The following TP53BP1 variants were observed in gnomAD, a reference collection of about 807,000 sequenced individuals.
The protein encoded by TP53BP1 is tumor protein p53 binding protein 1, also known as TP53-binding protein 1.
In TP53BP1, 61 loss-of-function variants were observed where a neutral mutation model predicts 200.8. The ratio of observed to expected loss-of-function variants is 0.30; its 90% confidence interval spans 0.25 to 0.38. The LOEUF is 0.38. Among genes scored for constraint, TP53BP1 ranks in the 10% least tolerant of loss-of-function variants. The pLI is 1.00. For missense variants in TP53BP1, 2,144 were observed against 2,371.9 expected (o/e 0.90, Z 2.00); for synonymous variants, 822 against 844.3 (o/e 0.97, Z 0.46).
chr15:43,459,943 G>A (rs548755339), intron 11 of TP53BP1, among the ~76,000 whole-genome samples: 34 of 152,312 alleles, frequency 2.2e-4, no homozygotes, highest in Middle Eastern at 6.8e-3. Flanking sequence ...CCTAGGGCGG[G>A]AGAAGGGAGT....
intron 22 of TP53BP1, 36 bp from the exon 23 acceptor site, chr15:43,415,845 C>G: frequency 6.3e-7 from 1 of 1,580,316 alleles, no homozygotes; most frequent in Non-Finnish European, 8.7e-7. Flanking sequence ...TGGTCAAACT[C>G]TATGGTATGA....
At position 43,456,410 on chromosome 15, in the gene TP53BP1, G is replaced by A; in HGVS notation, c.2198C>T (p.Pro733Leu). 6.3e-7 allele frequency: 1 copy of A among 1,596,318 alleles called. No homozygotes were observed. The highest frequency in any genetic ancestry group is 8.5e-7 in the Non-Finnish European group (1 of 1,173,964). ...TTGGTCAAGTATTGCCAACTTTTGA[G>A]GGGAATCAATACTAATCACACTGGT... The part of the protein sequence containing the change: ...VETSVISIDS[P>L]QKLAILDQEL... The change falls in exon 12 of 28, where the codon CCT (proline) becomes CTT (leucine). Residue 733 changes from proline to leucine, a missense_variant. This residue lies in a region of TP53BP1 where 1,700 missense variants were observed against 1,710.3 expected (regional missense o/e 0.99). Transcript: ENST00000382044.
At chr15:43,491,921 C>G in intron 3 of TP53BP1, 81 bp downstream of exon 3, 1 of 1,226,544 alleles carries the variant, frequency 8.2e-7, no homozygotes, top group African/African-American at 1.5e-5. Flanking sequence ...TTCGACACAA[C>G]CACATAAAGT....
At chr15:43,409,575 G>C (rs1191311952) in intron 25 of TP53BP1, 72 bp downstream of exon 25, 8 of 804,756 alleles carry the variant, frequency 9.9e-6, no homozygotes, top group Admixed American at 3.1e-5. Context: ...ACCCCTCCCA[G>C]GCCTCTTCTC....
In TP53BP1 at chr15:43,493,139, G is replaced by A; in HGVS notation, c.-96C>T. 3 of 1,576,924 alleles carry A rather than the reference G, an allele frequency of 1.9e-6. No homozygotes were observed. The highest frequency in any genetic ancestry group is 2.6e-6 in the Non-Finnish European group (3 of 1,166,720). On this transcript the variant is annotated 5_prime_UTR_variant, in exon 1 of 28. Coordinates refer to ENST00000382044, the MANE Select transcript of TP53BP1 (RefSeq NM_001141980.3). Reference sequence around the variant, plus strand: ...CTAGGTCGCCGCTGTCGCCACCGCCGCCACCGGCCGCGAACTCCCCCTTTC... The same window carrying A: ...CTAGGTCGCCGCTGTCGCCACCGCCACCACCGGCCGCGAACTCCCCCTTTC...
intron 24 of TP53BP1, chr15:43,412,881 T>C: frequency 1.7e-6 from 1 of 585,934 alleles, no homozygotes; most frequent in Non-Finnish European, 3.2e-6. Flanking sequence ...ATAGATAAGA[T>C]CTATCTCCCA....
At chr15:43,496,716 TG>T (rs1181888151), upstream of TP53BP1, among the ~76,000 whole-genome samples, 1 of 151,490 alleles carries the variant, frequency 6.6e-6, no homozygotes, top group African/African-American at 2.4e-5. Context: ...CCCTGCCTCC[TG>T]GGTTCAACTG....
At chr15:43,500,522 T>C (rs1037265412) in intron 1 of TP53BP1, among the ~76,000 whole-genome samples, 2 of 152,106 alleles carry the variant, frequency 1.3e-5, no homozygotes, top group Admixed American at 6.6e-5. Flanking sequence ...GTGTCTAAAA[T>C]ATAGAGAATA....
chr15:43,445,415 C>A (rs888311064), intron 14 of TP53BP1, among the ~76,000 whole-genome samples: 1 of 152,172 alleles, frequency 6.6e-6, no homozygotes, highest in African/African-American at 2.4e-5. Flanking sequence ...TCTCTCTGAA[C>A]GTTCCTTTAT....
At chr15:43,487,834 CT>C (rs2079067653) in intron 4 of TP53BP1, among the ~76,000 whole-genome samples, 1 of 151,316 alleles carries the variant, frequency 6.6e-6, no homozygotes, top group South Asian at 2.1e-4. Context: ...CTTATAACAG[CT>C]TCTCAATAGT....
rs773340963 is a variant in TP53BP1 at position 43,456,763 on chromosome 15, C to T, written c.1845G>A (p.Thr615=). Residue 615 remains threonine, a synonymous_variant, in exon 12 of 28, where the codon ACG becomes ACA. Transcript: ENST00000382044. ...GATCAATACAAACATCTTCTGCTAC[C>T]GTTTCTTCTCTGCCCTTGCAACCAG... ...LATGCKGREE[T]VAEDVCIDLT... The T allele has an allele frequency of 5.0e-6, 8 of 1,614,052 alleles. No homozygotes were observed. Among genetic ancestry groups the T allele is most frequent in the Admixed American group, 3.3e-5 (2 of 60,018 alleles).
At chr15:43,460,041 T>C (rs977456031) in intron 11 of TP53BP1, among the ~76,000 whole-genome samples, 3 of 152,208 alleles carry the variant, frequency 2.0e-5, no homozygotes, top group Non-Finnish European at 4.4e-5. Flanking sequence ...ATGGTGGTGA[T>C]GGTTACACAG....
chr15:43,433,185 C>T lies in TP53BP1; in HGVS notation c.3192-508G>A, dbSNP rs45537333. 3.8e-4 allele frequency among the ~76,000 whole-genome samples: 57 copies of T among 151,966 alleles called. 1 individual carries two copies. The East Asian group carries it at 9.8e-3, about 26-fold the overall frequency. On this transcript the variant is annotated intron_variant, in intron 16 of 27. Transcript: ENST00000382044. ...TTTTTAGGAAAGAAAATCTGACTTA[C>T]AAAGGATAAAGCTGTAGGTAGATTC...
In TP53BP1 at chr15:43,492,053, C is replaced by G. The variant is rs750726542; in HGVS notation, c.235G>C (p.Gly79Arg). Reference sequence around the variant, plus strand: ...TCATTGAACCCACTATTACCGTCTCCTCGTTCTTCTCCAGCTGTTTGTTCA... The same window carrying G: ...TCATTGAACCCACTATTACCGTCTCGTCGTTCTTCTCCAGCTGTTTGTTCA... ...NPEQTAGEER[G>R]DGNSGFNEHL... Residue 79 changes from glycine to arginine, a missense_variant, in exon 3 of 28, where the codon GGA becomes CGA. This residue lies in a region of TP53BP1 where 1,700 missense variants were observed against 1,710.3 expected (regional missense o/e 0.99). Transcript: ENST00000382044. 92 of 1,613,968 alleles carry G rather than the reference C, an allele frequency of 5.7e-5. No homozygotes were observed. Among genetic ancestry groups the G allele is most frequent in the Non-Finnish European group, 7.2e-5 (85 of 1,179,960 alleles).
intron 11 of TP53BP1, among the ~76,000 whole-genome samples, chr15:43,458,693 T>A (rs2046358537): frequency 6.6e-6 from 1 of 151,844 alleles, no homozygotes. Context: ...GGCAGCAGGA[T>A]CCTTGAGCCA....
intron 12 of TP53BP1, among the ~76,000 whole-genome samples, chr15:43,450,487 G>T (rs1198589843): frequency 6.6e-6 from 1 of 152,164 alleles, no homozygotes; most frequent in African/African-American, 2.4e-5. Flanking sequence ...TATAGCTAGA[G>T]CCTAAAACAC....
At chr15:43,459,786 C>T (rs1053842341) in intron 11 of TP53BP1, among the ~76,000 whole-genome samples, 2 of 151,984 alleles carry the variant, frequency 1.3e-5, no homozygotes, top group Non-Finnish European at 2.9e-5. Flanking sequence ...TCACCTCAGC[C>T]TCCCAAGTAG....
intron 16 of TP53BP1, among the ~76,000 whole-genome samples, chr15:43,435,695 T>A (rs2045779464): frequency 6.9e-6 from 1 of 144,908 alleles, no homozygotes; most frequent in Admixed American, 6.9e-5. Flanking sequence ...ACCTATTAAT[T>A]TTTTTTTTTT....
At chr15:43,499,856 A>G (rs1220546120) in intron 1 of TP53BP1, among the ~76,000 whole-genome samples, 1 of 152,252 alleles carries the variant, frequency 6.6e-6, no homozygotes, top group East Asian at 1.9e-4. Context: ...CTAGCTTCAA[A>G]GAATTTACAA....
Sources: allele counts gnomAD v4.1 joint callset (sites outside exome capture counted in the v4.1 genomes callset), GRCh38; gene constraint gnomAD v4.1.1; regional missense constraint gnomAD v4.1.1; transcripts MANE v1.5; gene names NCBI Gene and HGNC (gene_info 2026-07-23, HGNC 2026-07-21).